DLG2: variants seen among roughly 807,000 people sequenced by gnomAD.
DLG2 encodes disks large homolog 2.
A neutral mutation model predicts 132.5 loss-of-function variants in DLG2; 45 were observed. The observed-to-expected ratio is 0.34, with a 90% CI of 0.27 to 0.44. DLG2 has a LOEUF of 0.44. DLG2 is among the 20% of genes least tolerant of loss of function. The pLI, the probability that DLG2 is intolerant of heterozygous loss-of-function variation, is 1.00. For synonymous variants in DLG2, 424 were observed against 419.6 expected (o/e 1.01, Z -0.13); for missense variants, 1,045 against 1,196.9 (o/e 0.87, Z 1.87).
At chr11:83,763,054 C>T (rs1370550681) in intron 18 of DLG2, among the ~76,000 whole-genome samples, 2 of 152,164 alleles carry the variant, frequency 1.3e-5, no homozygotes, top group Non-Finnish European at 2.9e-5. Flanking sequence ...GGCAAAGTTC[C>T]CTATAAAGGG....
intron 10 of DLG2, among the ~76,000 whole-genome samples, chr11:84,072,839 G>C (rs2096776827): frequency 6.6e-6 from 1 of 152,184 alleles, no homozygotes; most frequent in African/African-American, 2.4e-5. Flanking sequence ...GTTAGAGGCT[G>C]CTATATAACC....
rs939131941 is a variant in DLG2 at position 85,051,549 on chromosome 11, C to T, written c.357+60112G>A. On this transcript the variant is annotated intron_variant, in intron 6 of 27. Coordinates refer to ENST00000376104, the MANE Select transcript of DLG2 (RefSeq NM_001142699.3). ...ATAAACAAAACAGACACAGTTTCTG[C>T]TCTTGTGCTAGCAGAGAAAACAGAT... Among the ~76,000 whole-genome samples the T allele has an allele frequency of 3.3e-5, 5 of 152,082 alleles. No homozygotes were observed. In the East Asian group the frequency reaches 9.6e-4, roughly 29 times the overall value.
chr11:83,671,946 ACTTTT>A (rs2076893041), intron 18 of DLG2, among the ~76,000 whole-genome samples: 4 of 152,298 alleles, frequency 2.6e-5, no homozygotes, highest in Non-Finnish European at 5.9e-5. Flanking sequence ...ACAATTTGTT[ACTTTT>A]AAGTGTTTCC....
At chr11:83,543,618 C>T (rs2096149782) in intron 19 of DLG2, among the ~76,000 whole-genome samples, 1 of 152,064 alleles carries the variant, frequency 6.6e-6, no homozygotes, top group African/African-American at 2.4e-5. Flanking sequence ...ATGATGATAG[C>T]AATACCTCCA....
intron 14 of DLG2, among the ~76,000 whole-genome samples, chr11:83,948,185 T>A (rs1246744679): frequency 6.6e-6 from 1 of 152,168 alleles, no homozygotes; most frequent in African/African-American, 2.4e-5. Flanking sequence ...AAATAAAATC[T>A]CAGGCTCCAA....
intron 3 of DLG2, among the ~76,000 whole-genome samples, chr11:85,322,282 T>C (rs1360314074): frequency 6.6e-6 from 1 of 152,088 alleles, no homozygotes; most frequent in Non-Finnish European, 1.5e-5. Flanking sequence ...TATTCCTTGG[T>C]CCATCACTTC....
At chr11:84,565,693 A>T (rs934761651) in intron 6 of DLG2, among the ~76,000 whole-genome samples, 2 of 152,134 alleles carry the variant, frequency 1.3e-5, no homozygotes, top group African/African-American at 4.8e-5. Context: ...TGGGTCTGAT[A>T]ACAAAATTGG....
intron 3 of DLG2, among the ~76,000 whole-genome samples, chr11:85,481,233 A>G (rs1012050639): frequency 1.3e-5 from 2 of 152,226 alleles, no homozygotes; most frequent in African/African-American, 4.8e-5. Flanking sequence ...GTACGGGTAG[A>G]ATGGTATTTG....
intron 3 of DLG2, among the ~76,000 whole-genome samples, chr11:85,577,051 G>A (rs2078200380): frequency 6.6e-6 from 1 of 152,242 alleles, no homozygotes; most frequent in East Asian, 1.9e-4. Flanking sequence ...AGTAGAAGAG[G>A]TGGGAGAAGT....
At chr11:84,614,038 G>A (rs1054202541) in intron 6 of DLG2, among the ~76,000 whole-genome samples, 1 of 152,162 alleles carries the variant, frequency 6.6e-6, no homozygotes, top group African/African-American at 2.4e-5. Flanking sequence ...AAACAACTGT[G>A]AATATGTAAC....
At chr11:83,755,458 C>T (rs1257692197) in intron 18 of DLG2, among the ~76,000 whole-genome samples, 1 of 150,886 alleles carries the variant, frequency 6.6e-6, no homozygotes, top group Admixed American at 6.6e-5. Flanking sequence ...TAATATAATA[C>T]ACTGTAAGAA....
rs556068818 is a variant in DLG2, at chr11:84,877,071, C to A, written c.357+234590G>T. On this transcript the variant is annotated intron_variant, in intron 6 of 27. Transcript: ENST00000376104. ...GAGACTGTTTTTTATGATTTCCATTCTTTTGCATTTGCTGAGAAGTGTTTT... is the reference window on the plus strand; with the variant it reads ...GAGACTGTTTTTTATGATTTCCATTATTTTGCATTTGCTGAGAAGTGTTTT... Among the ~76,000 whole-genome samples, 21 of 152,188 alleles carry A rather than the reference C, an allele frequency of 1.4e-4. 1 individual carries two copies. The highest frequency in any genetic ancestry group is 4.1e-4 in the African/African-American group (17 of 41,522).
intron 7 of DLG2, among the ~76,000 whole-genome samples, chr11:84,307,485 A>G (rs2098232885): frequency 1.3e-5 from 2 of 152,160 alleles, no homozygotes; most frequent in African/African-American, 4.8e-5. Context: ...TCACGAAGTC[A>G]GGAGATCCAG....
intron 6 of DLG2, among the ~76,000 whole-genome samples, chr11:84,598,124 A>C (rs1290286670): frequency 3.3e-5 from 5 of 152,202 alleles, no homozygotes. Context: ...ACTGTACCTA[A>C]ATTCACAGGA....
chr11:83,975,801 T>A (rs1052751151), intron 12 of DLG2, among the ~76,000 whole-genome samples: 85 of 152,106 alleles, frequency 5.6e-4, no homozygotes, highest in African/African-American at 2.0e-3. Flanking sequence ...AGTCTTCACC[T>A]TTTTGTTTTC....
intron 7 of DLG2, among the ~76,000 whole-genome samples, chr11:84,338,866 T>C (rs1219445330): frequency 6.6e-6 from 1 of 152,174 alleles, no homozygotes; most frequent in Non-Finnish European, 1.5e-5. Context: ...AGTACACATA[T>C]GAAAATTAAA....
intron 3 of DLG2, among the ~76,000 whole-genome samples, chr11:85,517,936 C>T (rs952218086): frequency 6.6e-6 from 1 of 152,128 alleles, no homozygotes; most frequent in Non-Finnish European, 1.5e-5. Flanking sequence ...AGTTTCCCTG[C>T]ACAAGTTCTT....
At chr11:84,439,081 C>G (rs2099009817) in intron 7 of DLG2, among the ~76,000 whole-genome samples, 2 of 152,288 alleles carry the variant, frequency 1.3e-5, no homozygotes, top group South Asian at 4.2e-4. Flanking sequence ...GTAGTCAGAA[C>G]CCATGTTCAT....
At chr11:84,443,809 ATC>A (rs150709842) in intron 7 of DLG2, among the ~76,000 whole-genome samples, 7,215 of 152,128 alleles carry the variant, frequency 0.047, 495 homozygotes, top group African/African-American at 0.15. Context: ...TTTTGAAAAT[ATC>A]TGTTTCCAAT....
Sources: allele counts gnomAD v4.1 joint callset (sites outside exome capture counted in the v4.1 genomes callset), GRCh38; gene constraint gnomAD v4.1.1; transcripts MANE v1.5; gene names NCBI Gene and HGNC (gene_info 2026-07-23, HGNC 2026-07-21).